Variants in CCDC194 observed in about 807,000 individuals in gnomAD.
CCDC194 encodes the protein coiled-coil domain-containing protein 194.
In CCDC194, 8 loss-of-function variants were observed where a neutral mutation model predicts 4.9. The observed-to-expected ratio is 1.65, with a 90% confidence interval of 0.97 to 2.97. CCDC194 has a LOEUF of 2.97. CCDC194 is among the 30% of genes most tolerant of loss of function. The pLI is 0.00. For synonymous variants in CCDC194, 13 were observed against 17.0 expected (o/e 0.76, Z 0.58); for missense variants, 52 against 43.1 (o/e 1.21, Z -0.58).
In CCDC194 at chr19:17,390,545, C is replaced by T; in HGVS notation, c.669G>A (p.Gly223=). Residue 223 remains glycine (G), a synonymous_variant, in exon 4 of 4, where the codon GGG becomes GGA. Coordinates refer to ENST00000636079, the Ensembl canonical transcript of CCDC194. The surrounding 1 kb of genome is among the most constrained non-coding windows in gnomAD (Gnocchi z 5.5). ...CGCGCCGCGCCGGCCGCCGGCAGCCCCCGGAGGGTCCGGAGCGAGAGCGCG... is the reference window on the plus strand; with the variant it reads ...CGCGCCGCGCCGGCCGCCGGCAGCCTCCGGAGGGTCCGGAGCGAGAGCGCG... 1 of 396,488 alleles carries T rather than the reference C, an allele frequency of 2.5e-6. No individual in the cohort carries two copies. The highest frequency in any genetic ancestry group is 4.5e-6 in the Non-Finnish European group (1 of 224,662). The allele number at this position is 396,488 out of a possible 1,614,324, so 24.6% of individuals were successfully genotyped here.
intron 3 of CCDC194, 43 bp downstream of exon 3, chr19:17,391,168 C>A (rs1177509761): frequency 2.5e-6 from 1 of 396,864 alleles, no homozygotes; most frequent in South Asian, 1.3e-4. Flanking sequence ...GTCGCGCCCT[C>A]CCCGTCCATC....
At chr19:17,387,622 G>A (rs1269191547), downstream of CCDC194, among the ~76,000 whole-genome samples, 1 of 152,040 alleles carries the variant, frequency 6.6e-6, no homozygotes, top group African/African-American at 2.4e-5. Flanking sequence ...CGAGGCTGAG[G>A]CAAGAGAATC....
chr19:17,391,090 C>A, intron 3 of CCDC194, 121 bp downstream of exon 3: 1 of 361,208 alleles, frequency 2.8e-6, no homozygotes, highest in East Asian at 4.0e-5. Flanking sequence ...AACAATGCCC[C>A]CCCCCCACCA....
Position 17,391,670 on chromosome 19 carries a change from CTG to C in CCDC194, c.421+78_421+79del, listed in dbSNP as rs1423543944. On this transcript the variant is annotated intron_variant, in intron 2 of 3. Coordinates refer to ENST00000636079, the Ensembl canonical transcript of CCDC194. ...CGTGTTATTTGCATTACGTTTGCAA[CTG>C]TGCTTGTTTGGATAACTAGGATTCA... 2.6e-6 allele frequency: 4 copies of C among 1,535,014 alleles called. No homozygotes were observed. The South Asian group carries it at 4.8e-5, about 18-fold the overall frequency.
chr19:17,391,857 G>A lies in CCDC194; in HGVS notation c.325-11C>T. 6.6e-7 allele frequency: 1 copy of A among 1,504,186 alleles called. No homozygotes were observed. Among genetic ancestry groups the A allele is most frequent in the Non-Finnish European group, 8.8e-7 (1 of 1,131,582 alleles). The allele number at this position is 1,504,186 out of a possible 1,614,324, so 93.2% of individuals were successfully genotyped here. A position where few individuals can be genotyped will look rare whatever the true frequency, so the allele number is the denominator to read the frequency against. ...GGTCTGAAGCCGGCTCTGAGGAGTGGAGGGGAAGTGGGAGGGGGTGTAGGC... is the reference window on the plus strand; with the variant it reads ...GGTCTGAAGCCGGCTCTGAGGAGTGAAGGGGAAGTGGGAGGGGGTGTAGGC... On this transcript the variant is annotated splice_polypyrimidine_tract_variant and intron_variant, in intron 1 of 3. Coordinates refer to ENST00000636079, the Ensembl canonical transcript of CCDC194.
At chr19:17,392,770 G>T (rs1487446643) in intron 1 of CCDC194, among the ~76,000 whole-genome samples, 1 of 152,226 alleles carries the variant, frequency 6.6e-6, no homozygotes, top group South Asian at 2.1e-4. Context: ...TGTCGCCCAG[G>T]CGGGAGTGCA....
downstream of CCDC194, among the ~76,000 whole-genome samples, chr19:17,390,097 A>G (rs1448855045): frequency 1.3e-5 from 2 of 152,176 alleles, no homozygotes; most frequent in African/African-American, 4.8e-5. This position sits in a 1 kb window ranked among gnomAD's most constrained non-coding sequence, Gnocchi z 5.5. Context: ...TTTTGTTGTC[A>G]AATCAGCTCC....
At chr19:17,392,123 G>A (rs976113482) in intron 1 of CCDC194, 6 of 304,846 alleles carry the variant, frequency 2.0e-5, no homozygotes, top group South Asian at 1.0e-4. Context: ...TGAGCTCTGC[G>A]GTCAGATTCA....
downstream of CCDC194, among the ~76,000 whole-genome samples, chr19:17,389,751 G>A (rs1026968026): frequency 3.3e-5 from 5 of 152,192 alleles, no homozygotes; most frequent in African/African-American, 7.2e-5. Flanking sequence ...GATCACCTAA[G>A]CTCAGGAGTT....
downstream of CCDC194, among the ~76,000 whole-genome samples, chr19:17,388,523 C>T (rs764648748): frequency 6.6e-6 from 1 of 151,996 alleles, no homozygotes; most frequent in South Asian, 2.1e-4. Flanking sequence ...CCTCAGTCTC[C>T]GAAGTAGATG....
At chr19:17,387,542 AC>A (rs945151004), downstream of CCDC194, among the ~76,000 whole-genome samples, 6 of 152,012 alleles carry the variant, frequency 3.9e-5, no homozygotes, top group Admixed American at 3.9e-4. Context: ...ACATGGTGAA[AC>A]CCCGTCTTTA....
chr19:17,392,443 A>C (rs2074658339), intron 1 of CCDC194, among the ~76,000 whole-genome samples: 1 of 152,186 alleles, frequency 6.6e-6, no homozygotes, highest in Non-Finnish European at 1.5e-5. Flanking sequence ...ACTGCACTCC[A>C]GCCTGGACAA....
Position 17,391,341 on chromosome 19 carries a change from C to T in CCDC194, c.424G>A (p.Ala142Thr), listed in dbSNP as rs1308747501. The change falls in exon 3 of 4, where the codon GCC becomes ACC. Residue 142 changes from alanine to threonine, a missense_variant and splice_region_variant. Ala to Thr is a moderately conservative substitution (Grantham distance 58, BLOSUM62 0). Coordinates refer to ENST00000636079, the Ensembl canonical transcript of CCDC194. ...GCCGCCGCCTCCCAGCGCGCCAGGG[C>T]CTCTGGGGGCGCAGGGAGCCGGGTC... 4 of 446,724 alleles carry T rather than the reference C, an allele frequency of 9.0e-6. No homozygotes were observed. The Admixed American group carries it at 1.3e-4, about 14-fold the overall frequency. 27.7% of individuals were successfully genotyped at this position (446,724 alleles called of 1,614,324 possible).
chr19:17,389,320 A>G (rs886894026), downstream of CCDC194, among the ~76,000 whole-genome samples: 1 of 152,242 alleles, frequency 6.6e-6, no homozygotes, highest in Non-Finnish European at 1.5e-5. Flanking sequence ...TTTAAAGGTT[A>G]GAAAAACAAG....
chr19:17,389,182 A>G (rs572151436), downstream of CCDC194, among the ~76,000 whole-genome samples: 21 of 152,288 alleles, frequency 1.4e-4, no homozygotes, highest in African/African-American at 4.6e-4. Flanking sequence ...TGAATTTTCA[A>G]CTGCATGGAG....
chr19:17,391,771 C>A, exon 2 of CCDC194: 1 of 1,535,728 alleles, frequency 6.5e-7, no homozygotes, highest in South Asian at 1.2e-5. Flanking sequence ...CCGTTCTCGG[C>A]CCCCATCTGG....
chr19:17,391,742 C>A lies in CCDC194; in HGVS notation c.421+8G>T, dbSNP rs1259800929. ...TATCCCTGCCCACTCCCTTACACCCCAACGCACCTGTCAGCGCCCCGTTCT... is the reference window on the plus strand; with the variant it reads ...TATCCCTGCCCACTCCCTTACACCCAAACGCACCTGTCAGCGCCCCGTTCT... On this transcript the variant is annotated splice_region_variant and intron_variant, in intron 2 of 3. Coordinates refer to ENST00000636079, the Ensembl canonical transcript of CCDC194. 6.5e-7 allele frequency: 1 copy of A among 1,535,718 alleles called. No homozygotes were observed. The highest frequency in any genetic ancestry group is 8.7e-7 in the Non-Finnish European group (1 of 1,146,908).
Position 17,391,226 on chromosome 19 carries a change from G to T in CCDC194, c.539C>A (p.Ala180Glu), listed in dbSNP as rs1168187671. 10 of 400,106 alleles carry T rather than the reference G, an allele frequency of 2.5e-5. No individual in the cohort carries two copies. In the East Asian group the frequency reaches 3.2e-4, roughly 13 times the overall value. 24.8% of individuals were successfully genotyped at this position (400,106 alleles called of 1,614,324 possible). Residue 180 changes from alanine to glutamate, a missense_variant, in exon 3 of 4, where the codon GCG becomes GAG. Coordinates refer to ENST00000636079, the Ensembl canonical transcript of CCDC194. ...CCTCACTCACAGGCGTTCGCGCAGC[G>T]CCGCCTCCCGGGCCGCACAGGCTTC... is the stretch of plus-strand genomic sequence containing the variant.
At chr19:17,388,214 T>C (rs1039783155), downstream of CCDC194, among the ~76,000 whole-genome samples, 4 of 58,760 alleles carry the variant, frequency 6.8e-5, no homozygotes, top group African/African-American at 2.0e-4. Flanking sequence ...TTTTTTTTTT[T>C]TTTGAGACAG....
Sources: gnomAD v4.1 joint callset for allele counts (sites outside exome capture counted in the v4.1 genomes callset) on GRCh38, gnomAD v4.1.1 for gene constraint, Gnocchi (gnomAD v3.1) non-coding constraint, MANE v1.5 for transcripts, NCBI Gene and HGNC (gene_info 2026-07-23, HGNC 2026-07-21) for gene names.